PPP2CA: variants seen among roughly 807,000 people sequenced by gnomAD.
PPP2CA encodes protein phosphatase 2 catalytic subunit alpha.
In PPP2CA, 5 loss-of-function variants were observed where a neutral mutation model predicts 38.8. The ratio of observed to expected loss-of-function variants is 0.13; its 90% CI spans 0.07 to 0.27. The LOEUF is 0.27. Among genes scored for constraint, PPP2CA ranks in the 10% least tolerant of loss-of-function variants. The pLI, the probability that PPP2CA is intolerant of heterozygous loss-of-function variation, is 1.00. For synonymous variants in PPP2CA, 152 were observed against 134.0 expected (o/e 1.13, Z -0.93); for missense variants, 88 against 389.7 (o/e 0.23, Z 6.52).
chr5:134,201,991 G>A lies in PPP2CA; in HGVS notation c.343C>T (p.Arg115Ter). 1 of 1,611,680 alleles carries A rather than the reference G, an allele frequency of 6.2e-7. No individual in the cohort carries two copies. Residue 115 changes from arginine (R) to a stop codon, truncating the protein, a stop_gained, in exon 3 of 7, where the codon CGA becomes TGA. Coordinates refer to ENST00000481195, the MANE Select transcript of PPP2CA (RefSeq NM_002715.4). LOFTEE classifies it high-confidence loss of function. Reference protein sequence around the residue: ...VRYRERITILRGNHESRQITQ... With the variant: ...VRYRERITIL ...ATCTGTCTGCTCTCATGATTCCCTCGAAGAATGGTGATGCGTTCACGGTAA... is the reference window on the plus strand; with the variant it reads ...ATCTGTCTGCTCTCATGATTCCCTCAAAGAATGGTGATGCGTTCACGGTAA...
chr5:134,221,609 T>C (rs1762444205), intron 1 of PPP2CA, among the ~76,000 whole-genome samples: 1 of 152,146 alleles, frequency 6.6e-6, no homozygotes, highest in Admixed American at 6.5e-5. Flanking sequence ...TAATAATTAC[T>C]CTTTCCAAGA....
chr5:134,200,682 T>A (rs41298952), intron 4 of PPP2CA, among the ~76,000 whole-genome samples, 186 bp from the exon 5 acceptor site: 316 of 152,332 alleles, frequency 2.1e-3, no homozygotes, highest in Middle Eastern at 6.8e-3. Context: ...GCAGACTTTA[T>A]GAGACACAGC....
At chr5:134,218,025 G>A (rs1247940287) in intron 1 of PPP2CA, among the ~76,000 whole-genome samples, 4 of 152,112 alleles carry the variant, frequency 2.6e-5, no homozygotes, top group African/African-American at 4.8e-5. Flanking sequence ...GTCACCAGGT[G>A]ATAGGAATTT....
At chr5:134,217,774 C>T (rs1294196115) in intron 1 of PPP2CA, among the ~76,000 whole-genome samples, 3 of 152,184 alleles carry the variant, frequency 2.0e-5, no homozygotes, top group Non-Finnish European at 4.4e-5. Context: ...TCATGTGTTG[C>T]TTAATCGCAG....
chr5:134,225,834 G>A lies in PPP2CA; in HGVS notation c.28C>T (p.Leu10=), dbSNP rs1762565909. 1 of 1,609,542 alleles carries A rather than the reference G, an allele frequency of 6.2e-7. No homozygotes were observed. ...TTCAGCTGCTCGATCCACTGGTCCA[G>A]CTCCTTGGTGAACACCTTCTCGTCC... The part of the protein sequence containing the change: MDEKVFTKE[L]DQWIEQLNEC... Residue 10 remains leucine (L), a synonymous_variant, in exon 1 of 7, where the codon CTG becomes TTG. Transcript: ENST00000481195.
At position 134,197,010 on chromosome 5, in the gene PPP2CA, C is replaced by A. The variant is rs930517141; in HGVS notation, c.*762G>T. The A allele has an allele frequency of 1.3e-5, 2 of 152,594 alleles. No homozygotes were observed. Among genetic ancestry groups the A allele is most frequent in the Non-Finnish European group, 2.9e-5 (2 of 68,030 alleles). 9.5% of individuals were successfully genotyped at this position (152,594 alleles called of 1,614,324 possible). A position where few individuals can be genotyped will look rare whatever the true frequency, so the allele number is the denominator to read the frequency against. Reference sequence around the variant, plus strand: ...TATTTTACCTACAAGTCTACAAATTCTAAAATTTACTCAATTGATTTAACT... The same window carrying A: ...TATTTTACCTACAAGTCTACAAATTATAAAATTTACTCAATTGATTTAACT... On this transcript the variant is annotated 3_prime_UTR_variant, in exon 7 of 7. Transcript: ENST00000481195.
chr5:134,202,043 C>G, intron 2 of PPP2CA, 22 bp from the exon 3 acceptor site: 1 of 1,553,442 alleles, frequency 6.4e-7, no homozygotes, highest in South Asian at 1.2e-5. Context: ...AAATGCAAAA[C>G]ATAAACAACT....
At chr5:134,200,292 G>A (rs759275420) in intron 5 of PPP2CA, 43 bp downstream of exon 5, 1 of 1,550,544 alleles carries the variant, frequency 6.4e-7, no homozygotes, top group East Asian at 2.3e-5. Flanking sequence ...CTTTCCTTAA[G>A]TTTACTAAAA....
intron 1 of PPP2CA, among the ~76,000 whole-genome samples, chr5:134,211,507 G>A (rs571970189): frequency 2.8e-5 from 4 of 145,070 alleles, no homozygotes; most frequent in East Asian, 4.1e-4. Flanking sequence ...ACAGAGTTTC[G>A]CTCTTGTTGC....
intron 1 of PPP2CA, among the ~76,000 whole-genome samples, chr5:134,224,637 G>C (rs1232973772): frequency 6.6e-5 from 10 of 151,754 alleles, no homozygotes; most frequent in Non-Finnish European, 4.4e-5. Flanking sequence ...GCAGAGATCA[G>C]CATTTTGTGT....
intron 1 of PPP2CA, among the ~76,000 whole-genome samples, chr5:134,216,392 T>C (rs1414589752): frequency 6.6e-6 from 1 of 151,218 alleles, no homozygotes; most frequent in Admixed American, 6.6e-5. Flanking sequence ...ATACAAAAAT[T>C]AGCTGGGCAT....
intron 2 of PPP2CA, among the ~76,000 whole-genome samples, chr5:134,205,387 CCT>C (rs1762059868): frequency 2.5e-5 from 2 of 79,384 alleles, no homozygotes; most frequent in African/African-American, 1.0e-4. Context: ...TTTTTCTTTT[CCT>C]TTTTTTTTTT....
chr5:134,197,454 G>T lies in PPP2CA; in HGVS notation c.*318C>A. On this transcript the variant is annotated 3_prime_UTR_variant, in exon 7 of 7. Coordinates refer to ENST00000481195, the MANE Select transcript of PPP2CA (RefSeq NM_002715.4). ...TAAATGGAAGTTAAATTGTATTCAC[G>T]AGGTGTTAATGTTTACATCTTATTA... 1 of 281,926 alleles carries T rather than the reference G, an allele frequency of 3.5e-6. No homozygotes were observed. The highest frequency in any genetic ancestry group is 6.8e-6 in the Non-Finnish European group (1 of 146,616). The allele number at this position is 281,926 out of a possible 1,614,324, so 17.5% of individuals were successfully genotyped here.
intron 3 of PPP2CA, 75 bp from the exon 4 acceptor site, chr5:134,201,149 T>C (rs762047036): frequency 2.7e-5 from 31 of 1,142,344 alleles, no homozygotes; most frequent in Non-Finnish European, 3.9e-5. Flanking sequence ...CAGTGGCTCA[T>C]GCCTGTAACC....
chr5:134,197,502 A>C lies in PPP2CA; in HGVS notation c.*270T>G. On this transcript the variant is annotated 3_prime_UTR_variant, in exon 7 of 7. Transcript: ENST00000481195. Reference sequence around the variant, plus strand: ...TTATCTGCAGTCTCTCAGAGAAAGCAAAAGTAACTACAAATAGCGCTATGC... The same window carrying C: ...TTATCTGCAGTCTCTCAGAGAAAGCCAAAGTAACTACAAATAGCGCTATGC... 1 of 442,646 alleles carries C rather than the reference A, an allele frequency of 2.3e-6. No individual in the cohort carries two copies. The highest frequency in any genetic ancestry group is 3.8e-5 in the South Asian group (1 of 26,480). The allele number at this position is 442,646 out of a possible 1,614,324, so 27.4% of individuals were successfully genotyped here.
intron 3 of PPP2CA, 101 bp downstream of exon 3, chr5:134,201,747 T>G: frequency 1.6e-6 from 2 of 1,238,734 alleles, no homozygotes; most frequent in East Asian, 5.3e-5. Context: ...TTAAAAAATA[T>G]CCCCAAAGGG....
rs182444440 is a variant in PPP2CA at position 134,215,765 on chromosome 5, A to G, written c.103-9634T>C. Among the ~76,000 whole-genome samples the G allele has an allele frequency of 2.0e-5, 3 of 152,266 alleles. No homozygotes were observed. The East Asian group carries it at 5.8e-4, about 29-fold the overall frequency. The stretch of plus-strand genomic sequence containing the variant: ...CTAATTCTTTAAAGTCCGGTCACCA[A>G]TGTTTAATGTATACAGTAACTCCTA... On this transcript the variant is annotated intron_variant, in intron 1 of 6. Coordinates refer to ENST00000481195, the MANE Select transcript of PPP2CA (RefSeq NM_002715.4).
intron 2 of PPP2CA, among the ~76,000 whole-genome samples, chr5:134,204,317 G>A (rs1159099766): frequency 6.6e-6 from 1 of 152,266 alleles, no homozygotes; most frequent in Admixed American, 6.5e-5. Flanking sequence ...TAAAGGGAAA[G>A]GCGGAAGCCT....
chr5:134,218,720 G>A (rs1475313795), intron 1 of PPP2CA, among the ~76,000 whole-genome samples: 2 of 150,598 alleles, frequency 1.3e-5, no homozygotes, highest in Non-Finnish European at 2.9e-5. Flanking sequence ...TTAGGCTGGA[G>A]TGCAGGGGCA....
Sources: allele counts gnomAD v4.1 joint callset (sites outside exome capture counted in the v4.1 genomes callset), GRCh38; gene constraint gnomAD v4.1.1; transcripts MANE v1.5; gene names NCBI Gene and HGNC (gene_info 2026-07-23, HGNC 2026-07-21).